The following MECOM variants were observed in gnomAD, a reference collection of about 807,000 sequenced individuals.
The protein encoded by MECOM is MDS1 and EVI1 complex locus, also known as histone-lysine N-methyltransferase MECOM.
A neutral mutation model predicts 116.3 loss-of-function variants in MECOM; 13 were observed. That is an observed-to-expected ratio of 0.11 (90% CI 0.07 to 0.18). MECOM has a LOEUF of 0.18. Ranked by LOEUF, MECOM falls within the 10% of genes least tolerant of loss-of-function variation. The pLI, the probability that MECOM is intolerant of heterozygous loss-of-function variation, is 1.00. For missense variants in MECOM, 1,299 were observed against 1,509.0 expected, an observed-to-expected ratio of 0.86 and a Z score of 2.31; for synonymous variants, 528 against 535.2, an observed-to-expected ratio of 0.99 and a Z score of 0.19.
chr3:169,238,658 T>C (rs566318938), intron 2 of MECOM, among the ~76,000 whole-genome samples: 1 of 152,292 alleles, frequency 6.6e-6, no homozygotes, highest in African/African-American at 2.4e-5. Context: ...CTGGACTCTC[T>C]TATAAAAGTT....
intron 2 of MECOM, among the ~76,000 whole-genome samples, chr3:169,177,436 G>A (rs573393243): frequency 3.3e-5 from 5 of 152,214 alleles, no homozygotes; most frequent in Admixed American, 2.6e-4. Context: ...CCTGGACACA[G>A]GGAGGGGAAC....
chr3:169,516,596 G>C (rs985969124), intron 1 of MECOM, among the ~76,000 whole-genome samples: 3 of 152,118 alleles, frequency 2.0e-5, no homozygotes, highest in African/African-American at 4.8e-5. Flanking sequence ...ACTCAGGGCT[G>C]TCAAACAACT....
intron 1 of MECOM, among the ~76,000 whole-genome samples, chr3:169,561,854 T>C (rs1762670206): frequency 6.6e-6 from 1 of 152,060 alleles, no homozygotes; most frequent in African/African-American, 2.4e-5. Context: ...AAAGAAACAA[T>C]GAGCACCTAG....
At chr3:169,211,066 G>T (rs1750664803) in intron 2 of MECOM, among the ~76,000 whole-genome samples, 1 of 152,100 alleles carries the variant, frequency 6.6e-6, no homozygotes, top group Non-Finnish European at 1.5e-5. Context: ...ATGATTAATG[G>T]TATGTCAAAC....
intron 1 of MECOM, among the ~76,000 whole-genome samples, chr3:169,569,022 C>T (rs1210472685): frequency 1.3e-5 from 2 of 152,022 alleles, no homozygotes; most frequent in Non-Finnish European, 2.9e-5. Context: ...AGGCTAAATG[C>T]CCCAATTAAA....
intron 1 of MECOM, among the ~76,000 whole-genome samples, chr3:169,573,013 A>T (rs1355417151): frequency 6.6e-6 from 1 of 152,132 alleles, no homozygotes; most frequent in Non-Finnish European, 1.5e-5. Flanking sequence ...AGCCATTTTC[A>T]GCTGGGCAAT....
At chr3:169,191,293 G>A (rs1197917901) in intron 2 of MECOM, among the ~76,000 whole-genome samples, 2 of 151,860 alleles carry the variant, frequency 1.3e-5, no homozygotes, top group African/African-American at 2.4e-5. Flanking sequence ...TCTGCTGGTG[G>A]GTGCAGAAAT....
intron 1 of MECOM, among the ~76,000 whole-genome samples, chr3:169,472,580 GAGGAA>G (rs779270656): frequency 0.019 from 1,109 of 59,028 alleles, 25 homozygotes; most frequent in Middle Eastern, 0.051. Context: ...GAGGAGAGGA[GAGGAA>G]AGGAAAGGAA....
At chr3:169,362,095 TTTAAAG>T (rs1728400572) in intron 2 of MECOM, among the ~76,000 whole-genome samples, 1 of 151,934 alleles carries the variant, frequency 6.6e-6, no homozygotes. Context: ...TTCTATGTAA[TTTAAAG>T]TTAACTTGTA....
chr3:169,150,931 T>G (rs1741087751), intron 2 of MECOM, among the ~76,000 whole-genome samples: 3 of 152,188 alleles, frequency 2.0e-5, no homozygotes, highest in African/African-American at 7.2e-5. Context: ...TCCCCAGCTG[T>G]GTGGATTGCA....
chr3:169,106,626 G>A (rs1725547426), intron 10 of MECOM, among the ~76,000 whole-genome samples: 1 of 152,126 alleles, frequency 6.6e-6, no homozygotes, highest in Non-Finnish European at 1.5e-5. Flanking sequence ...ATAAGAAAAG[G>A]TAGTTTAACT....
At chr3:169,200,773 C>CTT (rs1167020597) in intron 2 of MECOM, among the ~76,000 whole-genome samples, 1 of 152,016 alleles carries the variant, frequency 6.6e-6, no homozygotes, top group African/African-American at 2.4e-5. Context: ...AGCTTCTCTG[C>CTT]CCAGGCCTAG....
intron 2 of MECOM, among the ~76,000 whole-genome samples, chr3:169,274,247 C>T (rs2149664038): frequency 1.3e-5 from 2 of 152,038 alleles, no homozygotes; most frequent in Admixed American, 1.3e-4. Flanking sequence ...GGAGTACTGC[C>T]AATTTAAAAG....
At chr3:169,434,183 ACAGT>A (rs760678119) in intron 1 of MECOM, among the ~76,000 whole-genome samples, 26 of 152,354 alleles carry the variant, frequency 1.7e-4, no homozygotes, top group African/African-American at 4.8e-4. Flanking sequence ...AAACAAATAT[ACAGT>A]CAAATTTTTT....
chr3:169,239,819 G>A (rs1057429032), intron 2 of MECOM, among the ~76,000 whole-genome samples: 2 of 152,142 alleles, frequency 1.3e-5, no homozygotes, highest in African/African-American at 4.8e-5. Flanking sequence ...TGGAAACTTT[G>A]AGGCGAAATA....
intron 1 of MECOM, among the ~76,000 whole-genome samples, chr3:169,425,504 C>A (rs1007154285): frequency 6.6e-6 from 1 of 152,114 alleles, no homozygotes; most frequent in Non-Finnish European, 1.5e-5. Context: ...AATAAAGAGA[C>A]AACTCTATGT....
chr3:169,276,416 G>A (rs1189722702), intron 2 of MECOM, among the ~76,000 whole-genome samples: 2 of 151,898 alleles, frequency 1.3e-5, no homozygotes, highest in African/African-American at 4.8e-5. Flanking sequence ...AGCCAGGCAC[G>A]GTGGCGCGTG....
chr3:169,301,557 C>T (rs1440541008), intron 2 of MECOM, among the ~76,000 whole-genome samples: 2 of 152,064 alleles, frequency 1.3e-5, no homozygotes, highest in South Asian at 4.1e-4. Flanking sequence ...GTGAATGAGA[C>T]CCTGAAATTT....
At chr3:169,579,803 C>G (rs4122245) in intron 1 of MECOM, among the ~76,000 whole-genome samples, 1 of 151,932 alleles carries the variant, frequency 6.6e-6, no homozygotes, top group South Asian at 2.1e-4. Flanking sequence ...GAAATCCCAA[C>G]TAGCTGATCT....
Sources: allele counts gnomAD v4.1 joint callset (sites outside exome capture counted in the v4.1 genomes callset), GRCh38; gene constraint gnomAD v4.1.1; transcripts MANE v1.5; gene names NCBI Gene and HGNC (gene_info 2026-07-23, HGNC 2026-07-21).